TUT4: variants seen among roughly 807,000 people sequenced by gnomAD.
TUT4 encodes terminal uridylyl transferase 4.
A neutral mutation model predicts 192.2 loss-of-function variants in TUT4; 36 were observed. That is an observed-to-expected ratio of 0.19 (90% CI 0.14 to 0.25). The LOEUF (loss-of-function observed/expected upper bound fraction) is 0.25, where lower values mean the gene tolerates loss of function less well. Among genes scored for constraint, TUT4 ranks in the 10% least tolerant of loss-of-function variants. TUT4 has a pLI of 1.00. For synonymous variants in TUT4, 618 were observed against 666.0 expected (o/e 0.93, Z 1.11); for missense variants, 1,493 against 1,957.2 (o/e 0.76, Z 4.47).
At chr1:52,477,657 G>A (rs769369293) in intron 12 of TUT4, 51 bp downstream of exon 12, 3 of 1,511,654 alleles carry the variant, frequency 2.0e-6, no homozygotes, top group African/African-American at 1.4e-5. Flanking sequence ...ATTAGATAAT[G>A]AGTAGCACAT....
intron 1 of TUT4, among the ~76,000 whole-genome samples, chr1:52,549,698 G>A (rs1688921562): frequency 6.6e-6 from 1 of 152,112 alleles, no homozygotes; most frequent in Admixed American, 6.5e-5. Flanking sequence ...GATCTGCTTT[G>A]AAATCTAATT....
chr1:52,550,959 T>C (rs1689276103), intron 1 of TUT4, among the ~76,000 whole-genome samples: 1 of 152,166 alleles, frequency 6.6e-6, no homozygotes, highest in African/African-American at 2.4e-5. Flanking sequence ...AACTTTGAGA[T>C]AAAAAAGAAT....
intron 9 of TUT4, among the ~76,000 whole-genome samples, chr1:52,483,697 C>A (rs1195356093): frequency 2.0e-5 from 3 of 152,042 alleles, no homozygotes; most frequent in Admixed American, 6.5e-5. Context: ...TTAATCTCAG[C>A]TACTCGGGAG....
intron 7 of TUT4, 22 bp downstream of exon 7, chr1:52,493,589 A>G: frequency 7.0e-7 from 1 of 1,429,324 alleles, no homozygotes; most frequent in Admixed American, 2.2e-5. Context: ...AAAAAAAGAA[A>G]AGAAAAAGAA....
In TUT4 at chr1:52,474,879, G is replaced by T. The variant is rs780773092; in HGVS notation, c.2680C>A (p.Gln894Lys). 6 of 1,612,884 alleles carry T rather than the reference G, an allele frequency of 3.7e-6. No homozygotes were observed. In the South Asian group the frequency reaches 6.6e-5, roughly 18 times the overall value. Residue 894 changes from glutamine (Q) to lysine (K), a missense_variant, in exon 13 of 30, where the codon CAG (glutamine) becomes AAG (lysine). By Grantham distance (53) the Gln-to-Lys change is moderately conservative (BLOSUM62 1). This residue lies in a region of TUT4 where 245 missense variants were observed against 218.4 expected (regional missense o/e 1.12). Coordinates refer to ENST00000257177, the MANE Select transcript of TUT4 (RefSeq NM_001009881.3). ...DLNDDDNLPT[Q>K]ELYYVFDKFI... ...TTATCAAACACATAATATAATTCCT[G>T]GGTGGGGAGGTTATCATCATCATTA...
intron 14 of TUT4, among the ~76,000 whole-genome samples, chr1:52,471,034 T>TTA (rs1665620100): frequency 6.8e-6 from 1 of 146,436 alleles, no homozygotes; most frequent in South Asian, 2.2e-4. Context: ...TTTTTTTTTT[T>TTA]AAGACGGAGT....
intron 1 of TUT4, among the ~76,000 whole-genome samples, chr1:52,547,364 G>A (rs1688348102): frequency 6.6e-6 from 1 of 151,794 alleles, no homozygotes; most frequent in African/African-American, 2.4e-5. Context: ...GATAGTGGGT[G>A]AAGTGTCACC....
At chr1:52,425,617 T>C (rs1649619383) in intron 28 of TUT4, 110 bp from the exon 29 acceptor site, 1 of 1,305,652 alleles carries the variant, frequency 7.7e-7, no homozygotes, top group Non-Finnish European at 1.0e-6. Context: ...CTAAGAACTA[T>C]GCTAAATTCA....
intron 1 of TUT4, among the ~76,000 whole-genome samples, chr1:52,526,927 G>A (rs987049761): frequency 2.0e-5 from 3 of 152,090 alleles, no homozygotes; most frequent in Non-Finnish European, 4.4e-5. Context: ...CAGGGGCTGA[G>A]ACAGGAAAAT....
chr1:52,481,868 A>T lies in TUT4; in HGVS notation c.1571T>A (p.Leu524Ter), dbSNP rs1668553927. 6.3e-7 allele frequency: 1 copy of T among 1,599,340 alleles called. No homozygotes were observed. The highest frequency in any genetic ancestry group is 8.5e-7 in the Non-Finnish European group (1 of 1,176,398). The change falls in exon 10 of 30, where the codon TTA becomes TAA. Residue 524 changes from leucine to a stop codon, truncating the protein, a stop_gained. Coordinates refer to ENST00000257177, the MANE Select transcript of TUT4 (RefSeq NM_001009881.3). LOFTEE classifies it high-confidence loss of function. The stretch of plus-strand genomic sequence containing the variant: ...CTGTTGTAGAAAAAACATCACCATT[A>T]AAGCAAAACAGTAAGAAGGGATTCC... The part of the protein sequence containing the change: ...DGGIPSYCFA[L>*]MVMFFLQQRK...
chr1:52,544,859 C>T (rs1359408580), intron 1 of TUT4, among the ~76,000 whole-genome samples: 1 of 151,850 alleles, frequency 6.6e-6, no homozygotes, highest in Non-Finnish European at 1.5e-5. Context: ...GAGTTCAAGG[C>T]CAGCCTATGC....
intron 4 of TUT4, among the ~76,000 whole-genome samples, chr1:52,499,396 T>A (rs569624278): frequency 6.6e-6 from 1 of 152,094 alleles, no homozygotes; most frequent in Admixed American, 6.5e-5. Flanking sequence ...AGACTCTGTC[T>A]CAAAACACAA....
intron 1 of TUT4, among the ~76,000 whole-genome samples, chr1:52,546,025 C>G (rs11205972): frequency 0.35 from 52,813 of 150,606 alleles, 12,852 homozygotes; most frequent in African/African-American, 0.7. Context: ...CACAGTCCCA[C>G]CTACTCAAGA....
At chr1:52,450,376 C>T (rs1659006200) in intron 20 of TUT4, among the ~76,000 whole-genome samples, 1 of 152,014 alleles carries the variant, frequency 6.6e-6, no homozygotes, top group Non-Finnish European at 1.5e-5. Context: ...TCACAAAGTC[C>T]CCCGAAATCA....
chr1:52,507,589 T>C (rs960084016), intron 4 of TUT4, among the ~76,000 whole-genome samples: 1 of 152,218 alleles, frequency 6.6e-6, no homozygotes, highest in African/African-American at 2.4e-5. Context: ...ATTTCTATAA[T>C]GTTCTAAAGT....
intron 13 of TUT4, 90 bp from the exon 14 acceptor site, chr1:52,472,192 A>C: frequency 8.0e-7 from 1 of 1,248,174 alleles, no homozygotes; most frequent in Non-Finnish European, 1.1e-6. Context: ...CTTTTATGTA[A>C]CTCAGTTTTG....
At chr1:52,502,751 T>C (rs1040925049) in intron 4 of TUT4, among the ~76,000 whole-genome samples, 6 of 151,700 alleles carry the variant, frequency 4.0e-5, no homozygotes, top group African/African-American at 1.5e-4. Context: ...GCCTCTCAAG[T>C]AGCTGGGACC....
At chr1:52,551,245 T>C (rs1450551995) in intron 1 of TUT4, among the ~76,000 whole-genome samples, 1 of 152,216 alleles carries the variant, frequency 6.6e-6, no homozygotes, top group African/African-American at 2.4e-5. Flanking sequence ...ATACTTTAAA[T>C]TTCTTTTCTG....
intron 24 of TUT4, among the ~76,000 whole-genome samples, chr1:52,438,996 G>GGAAGTGGAGATT (rs2148312650): frequency 6.6e-6 from 1 of 151,504 alleles, no homozygotes; most frequent in Non-Finnish European, 1.5e-5. Flanking sequence ...CTTGAATCCA[G>GGAAGTGGAGATT]GAAGTGGAGA....
Sources: allele counts gnomAD v4.1 joint callset (sites outside exome capture counted in the v4.1 genomes callset), GRCh38; gene constraint gnomAD v4.1.1; regional missense constraint gnomAD v4.1.1; transcripts MANE v1.5; gene names NCBI Gene and HGNC (gene_info 2026-07-23, HGNC 2026-07-21).